The following RNF157 variants were observed in gnomAD, a reference collection of about 807,000 sequenced individuals.
RNF157 encodes the protein ring finger protein 157.
RNF157 carries 55 observed loss-of-function variants against 88.3 expected under a neutral mutation model. That is an observed-to-expected ratio of 0.62 (90% CI 0.50 to 0.78). RNF157 has a LOEUF of 0.78. Ranked by LOEUF, RNF157 falls within the 30% of genes least tolerant of loss-of-function variation. The pLI is 0.00. For missense variants in RNF157, 788 were observed against 860.8 expected (o/e 0.92, Z 1.06); for synonymous variants, 334 against 341.2 (o/e 0.98, Z 0.23).
At chr17:76,237,270 G>T (rs2070298759) in intron 1 of RNF157, among the ~76,000 whole-genome samples, 2 of 152,200 alleles carry the variant, frequency 1.3e-5, no homozygotes, top group Admixed American at 6.5e-5. Context: ...ATTTCAGCTG[G>T]ACACTGTGAC....
rs560446898 is a variant in RNF157, at chr17:76,146,391, G to T, written c.1922-1038C>A. ...TGCTCAGGCTCCTCCAGGCCATCTCGCCTCTCCCCTGGGAGTCCTCTTCAT... is the reference window on the plus strand; with the variant it reads ...TGCTCAGGCTCCTCCAGGCCATCTCTCCTCTCCCCTGGGAGTCCTCTTCAT... On this transcript the variant is annotated intron_variant, in intron 18 of 18. Coordinates refer to ENST00000269391, the MANE Select transcript of RNF157 (RefSeq NM_052916.3). The surrounding 1 kb of genome is among the most constrained non-coding windows in gnomAD (Gnocchi z 4.2). 34 of 985,412 alleles carry T rather than the reference G, an allele frequency of 3.5e-5. No homozygotes were observed. Among genetic ancestry groups the T allele is most frequent in the Non-Finnish European group, 4.0e-5 (33 of 830,034 alleles). 61.0% of individuals were successfully genotyped at this position (985,412 alleles called of 1,614,324 possible). A position where few individuals can be genotyped will look rare whatever the true frequency, so the allele number is the denominator to read the frequency against.
intron 8 of RNF157, 153 bp downstream of exon 8, chr17:76,164,595 T>A (rs1357822003): frequency 4.0e-6 from 2 of 499,530 alleles, no homozygotes; most frequent in South Asian, 7.3e-5. Context: ...TCCCTTTTTT[T>A]CTTTTCTTCT....
At chr17:76,147,194 A>ATAT in intron 18 of RNF157, 1 of 985,110 alleles carries the variant, frequency 1.0e-6, no homozygotes, top group East Asian at 1.1e-4. Context: ...GGCAATATTA[A>ATAT]TATTGCCTTT....
intron 18 of RNF157, among the ~76,000 whole-genome samples, chr17:76,148,075 T>C (rs567100124): frequency 4.6e-4 from 70 of 152,262 alleles, no homozygotes; most frequent in African/African-American, 1.6e-3. Flanking sequence ...AAATTTTCCT[T>C]AGTGCCCACA....
rs2068912983 is a variant in RNF157, at chr17:76,165,712, C to T, written c.629-167G>A. On this transcript the variant is annotated intron_variant, in intron 6 of 18. Transcript: ENST00000269391. ...TTTTTTTTTGAGACAGAGTCTGGCTCTGTTGCCTGGGCTGGAGTGCGGTGG... is the reference window on the plus strand; with the variant it reads ...TTTTTTTTTGAGACAGAGTCTGGCTTTGTTGCCTGGGCTGGAGTGCGGTGG... Among the ~76,000 whole-genome samples the T allele has an allele frequency of 1.3e-5, 2 of 151,886 alleles. 1 individual carries two copies. Among genetic ancestry groups the T allele is most frequent in the South Asian group, 4.2e-4 (2 of 4,818 alleles).
chr17:76,198,377 T>C (rs1162453818), intron 2 of RNF157, among the ~76,000 whole-genome samples: 1 of 152,192 alleles, frequency 6.6e-6, no homozygotes, highest in Non-Finnish European at 1.5e-5. Flanking sequence ...GGAAAAATGA[T>C]GGACCACAGT....
In RNF157 at chr17:76,155,294, G is replaced by T. The variant is rs1382616487; in HGVS notation, c.1722C>A (p.Asp574Glu). The T allele has an allele frequency of 6.2e-7, 1 of 1,614,238 alleles. No individual in the cohort carries two copies. The highest frequency in any genetic ancestry group is 1.1e-5 in the South Asian group (1 of 91,090). The change falls in exon 16 of 19, where the codon GAC becomes GAA. Residue 574 changes from aspartate to glutamate, a missense_variant. Physicochemically the swap from Asp to Glu is conservative, Grantham distance 45 (BLOSUM62 2). Transcript: ENST00000269391. ...EGEGLPAESP[D>E]SNFAGLPAGE... The stretch of plus-strand genomic sequence containing the variant: ...CAGCTGGGAGGCCAGCAAAGTTGCT[G>T]TCTGGAGACTCCGCTGGCAGCCCCT...
intron 1 of RNF157, among the ~76,000 whole-genome samples, chr17:76,219,421 G>A (rs766453752): frequency 1.3e-5 from 2 of 151,846 alleles, no homozygotes; most frequent in Admixed American, 6.6e-5. Context: ...GCTACCATGT[G>A]TGTAAGGAAG....
intron 1 of RNF157, among the ~76,000 whole-genome samples, chr17:76,233,122 A>G (rs1462004434): frequency 8.5e-5 from 13 of 152,096 alleles, no homozygotes; most frequent in East Asian, 1.9e-4. Flanking sequence ...GGGTTTCACC[A>G]TGTTAGCCAG....
intron 2 of RNF157, among the ~76,000 whole-genome samples, chr17:76,191,967 ATATAAC>A (rs1265343335): frequency 1.3e-5 from 2 of 152,206 alleles, no homozygotes; most frequent in Non-Finnish European, 2.9e-5. Context: ...ACAGACTTTT[ATATAAC>A]AGTTTCAGTA....
chr17:76,209,682 A>G (rs1464945323), intron 2 of RNF157, among the ~76,000 whole-genome samples: 1 of 152,214 alleles, frequency 6.6e-6, no homozygotes, highest in Non-Finnish European at 1.5e-5. Flanking sequence ...CTATCTTTAC[A>G]TCAGATGAAA....
At position 76,192,912 on chromosome 17, in the gene RNF157, T is replaced by C. The variant is rs2069411121; in HGVS notation, c.208-19122A>G. On this transcript the variant is annotated intron_variant, in intron 2 of 18. Coordinates refer to ENST00000269391, the MANE Select transcript of RNF157 (RefSeq NM_052916.3). ...GTGACTGCGATGGCCATCACTGCAG[T>C]CTCAACCTCTCAGGCTCAAGTGATT... Among the ~76,000 whole-genome samples, 7 of 150,308 alleles carry C rather than the reference T, an allele frequency of 4.7e-5. No homozygotes were observed. The Admixed American group carries it at 4.7e-4, about 10-fold the overall frequency.
intron 2 of RNF157, among the ~76,000 whole-genome samples, chr17:76,198,159 T>A (rs2069508463): frequency 6.6e-6 from 1 of 152,202 alleles, no homozygotes; most frequent in Non-Finnish European, 1.5e-5. Context: ...AGAGGGCTTA[T>A]CATGCCAGAG....
At chr17:76,198,149 A>T (rs1398351446) in intron 2 of RNF157, among the ~76,000 whole-genome samples, 3 of 152,206 alleles carry the variant, frequency 2.0e-5, no homozygotes, top group Admixed American at 6.5e-5. Flanking sequence ...CAAAGAGAGG[A>T]GAGGGCTTAT....
chr17:76,199,886 T>C (rs1000870340), intron 2 of RNF157, among the ~76,000 whole-genome samples: 25 of 152,094 alleles, frequency 1.6e-4, no homozygotes, highest in Non-Finnish European at 2.8e-4. Context: ...TGTAAGAACA[T>C]AAAAACAAGT....
At position 76,176,692 on chromosome 17, in the gene RNF157, G is replaced by A. The variant is rs996684192; in HGVS notation, c.208-2902C>T. 6.6e-6 allele frequency among the ~76,000 whole-genome samples: 1 copy of A among 152,192 alleles called. No individual in the cohort carries two copies. The highest frequency in any genetic ancestry group is 1.5e-5 in the Non-Finnish European group (1 of 68,028). On this transcript the variant is annotated intron_variant, in intron 2 of 18. Transcript: ENST00000269391. The surrounding 1 kb of genome is among the most constrained non-coding windows in gnomAD (Gnocchi z 4.2). ...ATGGGGCTGGCCGGGTTACCCACCAGCAGAGGAGCAGCGTGGCAGAAGAGC... is the reference window on the plus strand; with the variant it reads ...ATGGGGCTGGCCGGGTTACCCACCAACAGAGGAGCAGCGTGGCAGAAGAGC...
intron 1 of RNF157, among the ~76,000 whole-genome samples, chr17:76,238,768 T>C (rs989748127): frequency 1.3e-5 from 2 of 152,226 alleles, no homozygotes; most frequent in African/African-American, 4.8e-5. Context: ...TTTTTGTCTA[T>C]TAAAAAACAA....
chr17:76,172,607 C>CAAAAAAAAAAAAAAAAAAAAAAAA (rs35297368), intron 3 of RNF157, among the ~76,000 whole-genome samples: 1 of 31,704 alleles, frequency 3.2e-5, no homozygotes, highest in African/African-American at 1.2e-4. Context: ...AACTCCATCT[C>CAAAAAAAAAAAAAAAAAAAAAAAA]AAAAAAAAAA....
At chr17:76,211,233 T>C (rs2069793983) in intron 2 of RNF157, among the ~76,000 whole-genome samples, 1 of 152,254 alleles carries the variant, frequency 6.6e-6, no homozygotes, top group Admixed American at 6.5e-5. Context: ...AGTAAATGTT[T>C]GCCAATTCAA....
Sources: gnomAD v4.1 joint callset for allele counts (sites outside exome capture counted in the v4.1 genomes callset) on GRCh38, gnomAD v4.1.1 for gene constraint, Gnocchi (gnomAD v3.1) non-coding constraint, MANE v1.5 for transcripts, NCBI Gene and HGNC (gene_info 2026-07-23, HGNC 2026-07-21) for gene names.